The following TENM1 variants were observed in gnomAD, a reference collection of about 807,000 sequenced individuals.
TENM1 encodes the protein teneurin-1.
Under a neutral mutation model 174.8 loss-of-function variants are expected in TENM1, and 35 were observed. The ratio of observed to expected loss-of-function variants is 0.20; its 90% CI spans 0.15 to 0.27. The LOEUF (loss-of-function observed/expected upper bound fraction) is 0.27. Ranked by LOEUF, TENM1 falls within the 10% of genes least tolerant of loss-of-function variation. TENM1 has a pLI of 1.00. For missense variants in TENM1, 1,633 were observed against 2,130.1 expected (o/e 0.77, Z 4.59); for synonymous variants, 781 against 798.7 (o/e 0.98, Z 0.37).
chrX:124,872,609 C>T (rs1010551120), intron 3 of TENM1, among the ~76,000 whole-genome samples: 26 of 112,124 alleles, frequency 2.3e-4, no homozygotes, highest in African/African-American at 8.4e-4. Flanking sequence ...ATGATGTGTA[C>T]ACTGCTGAAA....
rs754651888 is a variant in TENM1 at position 124,458,828 on chromosome X, G to A, written c.3950-5337C>T. ...ACTTTAGACTTCAGCTTTGCCATAAGGCAAAGTGAATGGACAGCCCTTTTA... is the reference window on the plus strand; with the variant it reads ...ACTTTAGACTTCAGCTTTGCCATAAAGCAAAGTGAATGGACAGCCCTTTTA... On this transcript the variant is annotated intron_variant, in intron 22 of 31. Coordinates refer to ENST00000422452, the Ensembl canonical transcript of TENM1. Among the ~76,000 whole-genome samples the A allele has an allele frequency of 8.0e-5, 9 of 112,249 alleles. No homozygotes were observed. The South Asian group carries it at 3.3e-3, about 42-fold the overall frequency.
the TENM1 span, among the ~76,000 whole-genome samples, chrX:125,113,711 C>G: frequency 9.0e-6 from 1 of 111,079 alleles, no homozygotes; most frequent in Non-Finnish European, 1.9e-5. Flanking sequence ...AAAGAGCTAA[C>G]TACCCTAAAT....
At chrX:124,495,568 T>G (rs1187695707) in intron 20 of TENM1, among the ~76,000 whole-genome samples, 1 of 110,393 alleles carries the variant, frequency 9.1e-6, no homozygotes, top group African/African-American at 3.3e-5. Flanking sequence ...TTTTGGTGTT[T>G]TAGACATGAA....
intron 1 of TENM1, among the ~76,000 whole-genome samples, chrX:124,897,717 G>T (rs927896682): frequency 8.9e-6 from 1 of 112,236 alleles, no homozygotes; most frequent in Admixed American, 9.4e-5. Flanking sequence ...TCACTGCTGA[G>T]TATGTTACCT....
intron 25 of TENM1, among the ~76,000 whole-genome samples, chrX:124,415,520 T>C (rs2060584242): frequency 8.9e-6 from 1 of 111,800 alleles, no homozygotes; most frequent in Non-Finnish European, 1.9e-5. Flanking sequence ...TAAGCCCACA[T>C]GATCCTCTGT....
intron 1 of TENM1, among the ~76,000 whole-genome samples, chrX:124,932,644 T>C (rs935589606): frequency 9.0e-6 from 1 of 111,639 alleles, no homozygotes; most frequent in East Asian, 2.8e-4. Context: ...TGAGGATGAA[T>C]AGGATTTGGA....
At chrX:124,458,200 T>A (rs1462181996) in intron 22 of TENM1, among the ~76,000 whole-genome samples, 1 of 112,388 alleles carries the variant, frequency 8.9e-6, no homozygotes, top group African/African-American at 3.2e-5. Context: ...ATGGAAACTC[T>A]ACTAGGCAGA....
chrX:124,606,585 G>T (rs542557564), intron 11 of TENM1, among the ~76,000 whole-genome samples: 12 of 111,429 alleles, frequency 1.1e-4, no homozygotes, highest in African/African-American at 3.9e-4. Flanking sequence ...CTAAGATTTT[G>T]TCTGGATCCA....
In TENM1 at chrX:124,881,222, T is replaced by C. The variant is rs779928296; in HGVS notation, c.535+13074A>G. Among the ~76,000 whole-genome samples, 366 of 111,743 alleles carry C rather than the reference T, an allele frequency of 3.3e-3. 1 individual carries two copies. Among genetic ancestry groups the C allele is most frequent in the African/African-American group, 0.011 (342 of 30,909 alleles). ...AATCTCATTACTCATTTTTGATCTG[T>C]TCAGGTTTTCTATATTTTCCTGATT... On this transcript the variant is annotated intron_variant, in intron 3 of 31. Transcript: ENST00000422452.
chrX:124,813,961 T>C (rs770691044), intron 3 of TENM1, among the ~76,000 whole-genome samples: 1 of 112,008 alleles, frequency 8.9e-6, no homozygotes, highest in African/African-American at 3.2e-5. Flanking sequence ...GAAAGCTGCA[T>C]TGCATGAGAA....
At chrX:124,519,043 G>T (rs2047782393) in intron 18 of TENM1, among the ~76,000 whole-genome samples, 1 of 111,980 alleles carries the variant, frequency 8.9e-6, no homozygotes, top group Non-Finnish European at 1.9e-5. Context: ...GAGAAGGAGG[G>T]TAGTTAGTAT....
intron 3 of TENM1, among the ~76,000 whole-genome samples, chrX:124,752,801 G>A (rs1327287992): frequency 9.1e-6 from 1 of 110,194 alleles, no homozygotes; most frequent in African/African-American, 3.3e-5. Context: ...TCAGATAGTT[G>A]TAGATATGCA....
chrX:125,183,613 G>A, the TENM1 span, among the ~76,000 whole-genome samples: 17 of 111,294 alleles, frequency 1.5e-4, no homozygotes, highest in Non-Finnish European at 3.2e-4. Flanking sequence ...GACTGGCAGA[G>A]AAGAAGCACA....
the TENM1 span, among the ~76,000 whole-genome samples, chrX:125,136,013 T>C: frequency 1.1e-4 from 12 of 112,146 alleles, no homozygotes; most frequent in Admixed American, 1.1e-3. Flanking sequence ...TGCTTGGATA[T>C]ATGTTATTTG....
intron 3 of TENM1, among the ~76,000 whole-genome samples, chrX:124,775,809 G>A (rs746217212): frequency 1.8e-5 from 2 of 111,857 alleles, no homozygotes; most frequent in East Asian, 5.6e-4. Flanking sequence ...GAACAACACG[G>A]GTTGGAACCC....
chrX:124,869,286 G>C, intron 3 of TENM1, among the ~76,000 whole-genome samples: 1 of 110,536 alleles, frequency 9.0e-6, no homozygotes, highest in Non-Finnish European at 1.9e-5. Flanking sequence ...TTATCCAAAA[G>C]AGAGACAATA....
At chrX:124,450,392 C>T (rs2061021331) in intron 23 of TENM1, among the ~76,000 whole-genome samples, 1 of 108,931 alleles carries the variant, frequency 9.2e-6, no homozygotes, top group African/African-American at 3.3e-5. Context: ...AGTTTCCCTG[C>T]ACAAGCTCTC....
chrX:124,472,918 G>A (rs532583513), intron 22 of TENM1, among the ~76,000 whole-genome samples: 1 of 111,525 alleles, frequency 9.0e-6, no homozygotes, highest in South Asian at 3.8e-4. Flanking sequence ...GACTAATATG[G>A]AGCCATGATC....
At chrX:124,866,730 GTTTT>G (rs1192280288) in intron 3 of TENM1, among the ~76,000 whole-genome samples, 2 of 110,583 alleles carry the variant, frequency 1.8e-5, no homozygotes, top group Non-Finnish European at 1.9e-5. Context: ...TGAAACAAAA[GTTTT>G]TTTAAGTTAA....
Sources: allele counts gnomAD v4.1 joint callset (sites outside exome capture counted in the v4.1 genomes callset), GRCh38; gene constraint gnomAD v4.1.1; transcripts MANE v1.5; gene names NCBI Gene and HGNC (gene_info 2026-07-23, HGNC 2026-07-21).